Variants in EEFSEC observed in about 807,000 individuals in gnomAD.
EEFSEC encodes the protein selenocysteine-specific elongation factor.
Under a neutral mutation model 42.1 loss-of-function variants are expected in EEFSEC, and 43 were observed. The ratio of observed to expected loss-of-function variants is 1.02; its 90% CI spans 0.80 to 1.32. EEFSEC has a LOEUF of 1.32. EEFSEC is among the 40% of genes most tolerant of loss of function. The pLI is 0.00. For missense variants in EEFSEC, 745 were observed against 803.6 expected (o/e 0.93, Z 0.88); for synonymous variants, 354 against 339.1 (o/e 1.04, Z -0.48).
chr3:128,371,378 GC>G (rs2067652162), intron 6 of EEFSEC, among the ~76,000 whole-genome samples: 1 of 152,182 alleles, frequency 6.6e-6, no homozygotes, highest in Non-Finnish European at 1.5e-5. Flanking sequence ...GCTGCCTTGT[GC>G]CCTGCAGGGT....
intron 6 of EEFSEC, among the ~76,000 whole-genome samples, chr3:128,396,254 AAG>A (rs1439583173): frequency 6.6e-6 from 1 of 152,172 alleles, no homozygotes; most frequent in Non-Finnish European, 1.5e-5. Flanking sequence ...GCTAGTGGAG[AAG>A]AGAGACAGCC....
At chr3:128,316,824 A>G (rs1204753859) in intron 4 of EEFSEC, among the ~76,000 whole-genome samples, 2 of 152,234 alleles carry the variant, frequency 1.3e-5, no homozygotes, top group East Asian at 3.8e-4. Context: ...GACATACGAC[A>G]GCAGGGAGTT....
the EEFSEC span, among the ~76,000 whole-genome samples, chr3:128,421,342 G>A: frequency 3.3e-5 from 5 of 152,218 alleles, no homozygotes; most frequent in African/African-American, 1.2e-4. Flanking sequence ...GTGAACGAGG[G>A]GGTCAGGTGT....
chr3:128,278,334 G>A (rs1559899233), intron 4 of EEFSEC, among the ~76,000 whole-genome samples: 1 of 152,210 alleles, frequency 6.6e-6, no homozygotes, highest in Non-Finnish European at 1.5e-5. Flanking sequence ...TAGATATAGG[G>A]ACAGTGAAGG....
chr3:128,178,587 G>T (rs999638125), intron 1 of EEFSEC, among the ~76,000 whole-genome samples: 1 of 152,102 alleles, frequency 6.6e-6, no homozygotes, highest in Non-Finnish European at 1.5e-5. Context: ...AAAACCCAAG[G>T]ACAAAATGGC....
chr3:128,164,590 G>A (rs572905379), intron 1 of EEFSEC, among the ~76,000 whole-genome samples: 207 of 152,270 alleles, frequency 1.4e-3, no homozygotes, highest in African/African-American at 4.4e-3. Flanking sequence ...AGGTTGGCTG[G>A]GTCACAGGCC....
At chr3:128,409,564 A>T (rs989079774), downstream of EEFSEC, among the ~76,000 whole-genome samples, 1 of 152,220 alleles carries the variant, frequency 6.6e-6, no homozygotes, top group African/African-American at 2.4e-5. Context: ...GCTGAGAGCC[A>T]TGGGGAAGTG....
intron 6 of EEFSEC, among the ~76,000 whole-genome samples, chr3:128,362,838 A>G (rs2107595525): frequency 6.6e-6 from 1 of 152,330 alleles, no homozygotes; most frequent in South Asian, 2.1e-4. Context: ...GGAGCTCAAA[A>G]GGGTACTCAT....
intron 1 of EEFSEC, among the ~76,000 whole-genome samples, chr3:128,239,420 G>A (rs1472880211): frequency 6.6e-6 from 1 of 152,182 alleles, no homozygotes; most frequent in East Asian, 1.9e-4. Flanking sequence ...AACTTACTGT[G>A]TTGTCTCTGG....
chr3:128,421,939 C>T, the EEFSEC span, among the ~76,000 whole-genome samples: 3 of 152,320 alleles, frequency 2.0e-5, no homozygotes, highest in South Asian at 2.1e-4. Context: ...CGCACTCCCC[C>T]GGCCGACTGA....
intron 5 of EEFSEC, among the ~76,000 whole-genome samples, chr3:128,352,998 A>G (rs1194745430): frequency 6.6e-6 from 1 of 152,270 alleles, no homozygotes; most frequent in East Asian, 1.9e-4. Flanking sequence ...TTTTCCAGTT[A>G]TGGAGACCTG....
At chr3:128,388,808 C>T (rs774651012) in intron 6 of EEFSEC, among the ~76,000 whole-genome samples, 10 of 152,226 alleles carry the variant, frequency 6.6e-5, no homozygotes, top group Non-Finnish European at 1.5e-4. Flanking sequence ...GTCCAGAAGA[C>T]GTGAAATGGA....
the EEFSEC span, among the ~76,000 whole-genome samples, chr3:128,425,756 A>G: frequency 5.3e-5 from 8 of 152,314 alleles, no homozygotes; most frequent in East Asian, 1.5e-3. Flanking sequence ...GCAAGAAACC[A>G]GGCAGCCTGG....
chr3:128,186,103 TTGTC>T (rs1229149279), intron 1 of EEFSEC, among the ~76,000 whole-genome samples: 1 of 152,206 alleles, frequency 6.6e-6, no homozygotes, highest in African/African-American at 2.4e-5. Flanking sequence ...ACACTTGCTA[TTGTC>T]TGTCTGTCTG....
At chr3:128,223,729 C>G (rs1451569268) in intron 1 of EEFSEC, among the ~76,000 whole-genome samples, 1 of 152,172 alleles carries the variant, frequency 6.6e-6, no homozygotes, top group Non-Finnish European at 1.5e-5. Context: ...TGCCTTGGAC[C>G]AGCACCTGGT....
At chr3:128,213,134 G>A (rs2065776215) in intron 1 of EEFSEC, among the ~76,000 whole-genome samples, 1 of 152,234 alleles carries the variant, frequency 6.6e-6, no homozygotes, top group African/African-American at 2.4e-5. Context: ...GAGTGGGAGG[G>A]AGAGCAAGGA....
intron 1 of EEFSEC, among the ~76,000 whole-genome samples, chr3:128,236,956 G>A (rs1437432379): frequency 6.6e-6 from 1 of 152,220 alleles, no homozygotes; most frequent in African/African-American, 2.4e-5. Context: ...GTGAGTTCTC[G>A]ATTGCAAGGG....
intron 1 of EEFSEC, among the ~76,000 whole-genome samples, chr3:128,173,679 C>G (rs1168620858): frequency 6.6e-6 from 1 of 152,144 alleles, no homozygotes; most frequent in East Asian, 1.9e-4. Flanking sequence ...TGAAATGTTC[C>G]TGCACAGCCT....
chr3:128,362,384 C>T, intron 6 of EEFSEC: 1 of 430,424 alleles, frequency 2.3e-6, no homozygotes, highest in Non-Finnish European at 4.8e-6. Context: ...AGTCACTGGG[C>T]ATTTACTCTA....
Sources: gnomAD v4.1 joint callset for allele counts (sites outside exome capture counted in the v4.1 genomes callset) on GRCh38, gnomAD v4.1.1 for gene constraint, MANE v1.5 for transcripts, NCBI Gene and HGNC (gene_info 2026-07-23, HGNC 2026-07-21) for gene names.